Variants in PCDHGA5 observed in about 807,000 individuals in gnomAD.
PCDHGA5 encodes the protein protocadherin gamma subfamily A, 5.
In PCDHGA5, 36 loss-of-function variants were observed where a neutral mutation model predicts 56.7. That is an observed-to-expected ratio of 0.64 (90% CI 0.49 to 0.84). PCDHGA5 has a LOEUF of 0.84. PCDHGA5 is among the 40% of genes least tolerant of loss of function. PCDHGA5 has a pLI of 0.00. For synonymous variants in PCDHGA5, 563 were observed against 520.2 expected (o/e 1.08, Z -1.12); for missense variants, 1,305 against 1,201.5 (o/e 1.09, Z -1.27).
At chr5:141,372,053 C>G in intron 1 of PCDHGA5, 1 of 1,613,498 alleles carries the variant, frequency 6.2e-7, no homozygotes, top group South Asian at 1.1e-5. Flanking sequence ...TGTTGGTGGA[C>G]GACCGCAACG....
intron 1 of PCDHGA5, chr5:141,377,860 A>G (rs1236316198): frequency 6.6e-6 from 1 of 152,192 alleles, no homozygotes; most frequent in Non-Finnish European, 1.5e-5. Context: ...ATTAAGATTT[A>G]AAAGACTTCT....
intron 1 of PCDHGA5, chr5:141,441,697 C>T: frequency 6.5e-6 from 2 of 307,306 alleles, no homozygotes; most frequent in Non-Finnish European, 1.3e-5. Flanking sequence ...CAGCCGCGAG[C>T]CTTCAAGCTC....
chr5:141,423,883 A>G, intron 1 of PCDHGA5: 2 of 1,283,462 alleles, frequency 1.6e-6, no homozygotes, highest in Non-Finnish European at 2.0e-6. Context: ...CAATCTTGGC[A>G]TATTTTCTTT....
At chr5:141,500,667 TC>T (rs1032555959) in intron 2 of PCDHGA5, among the ~76,000 whole-genome samples, 26 of 152,194 alleles carry the variant, frequency 1.7e-4, no homozygotes, top group African/African-American at 6.0e-4. Flanking sequence ...GGCCATACTG[TC>T]CAACAGAATT....
At chr5:141,430,383 G>A (rs527531595) in intron 1 of PCDHGA5, among the ~76,000 whole-genome samples, 74 of 138,604 alleles carry the variant, frequency 5.3e-4, no homozygotes, top group Admixed American at 8.6e-4. Flanking sequence ...AGCTCATTGG[G>A]AAAAAAAAAA....
intron 1 of PCDHGA5, chr5:141,399,997 A>C (rs2093936203): frequency 6.2e-7 from 1 of 1,612,226 alleles, no homozygotes; most frequent in African/African-American, 1.3e-5. Context: ...AGAGGTGCGC[A>C]CAGCGCGTGC....
intron 1 of PCDHGA5, among the ~76,000 whole-genome samples, chr5:141,438,771 C>T (rs1056879944): frequency 1.3e-5 from 2 of 149,126 alleles, no homozygotes; most frequent in Non-Finnish European, 3.0e-5. Flanking sequence ...AAGCGATTCT[C>T]CTGCCTCAGC....
In PCDHGA5 at chr5:141,489,203, C is replaced by A; in HGVS notation, c.2422-5604C>A. On this transcript the variant is annotated intron_variant, in intron 1 of 3. Transcript: ENST00000518069. The surrounding 1 kb of genome is among the most constrained non-coding windows in gnomAD (Gnocchi z 4.5). ...CCCTGGGTCTACCTTGGAGACAGGA[C>A]AGCACAGACTTACTCTCCACAAAGG... is the stretch of plus-strand genomic sequence containing the variant. 7.1e-7 allele frequency: 1 copy of A among 1,414,834 alleles called. No individual in the cohort carries two copies. Among genetic ancestry groups the A allele is most frequent in the Non-Finnish European group, 9.6e-7 (1 of 1,040,052 alleles). The allele number at this position is 1,414,834 out of a possible 1,614,324, so 87.6% of individuals were successfully genotyped here.
chr5:141,394,127 C>T lies in PCDHGA5; in HGVS notation c.2421+27376C>T, dbSNP rs376102299. 4.0e-5 allele frequency: 64 copies of T among 1,613,960 alleles called. No homozygotes were observed. The African/African-American group carries it at 7.1e-4, about 18-fold the overall frequency. ...CACCTCTGTCCACTGAAACTCAAAT[C>T]GCTCTGCACGTGGCAGACATTAACG... is the stretch of plus-strand genomic sequence containing the variant. On this transcript the variant is annotated intron_variant, in intron 1 of 3. Transcript: ENST00000518069.
chr5:141,454,489 C>T (rs1450435753), intron 1 of PCDHGA5, among the ~76,000 whole-genome samples: 1 of 152,222 alleles, frequency 6.6e-6, no homozygotes, highest in African/African-American at 2.4e-5. Flanking sequence ...TCACCGCAAC[C>T]TCCACCTCCT....
intron 1 of PCDHGA5, chr5:141,403,774 C>T (rs1350465491): frequency 1.9e-6 from 3 of 1,613,668 alleles, no homozygotes; most frequent in Non-Finnish European, 1.7e-6. Flanking sequence ...AGGGAATCAA[C>T]GGAAAAGTGG....
intron 1 of PCDHGA5, among the ~76,000 whole-genome samples, chr5:141,459,095 G>A (rs61275874): frequency 0.28 from 42,440 of 152,066 alleles, 6,652 homozygotes; most frequent in African/African-American, 0.43. Context: ...ATTATACAGT[G>A]CAATGCATTT....
rs771608897 is a variant in PCDHGA5, at chr5:141,490,857, C to T, written c.2422-3950C>T. 58 of 1,613,714 alleles carry T rather than the reference C, an allele frequency of 3.6e-5. 1 individual carries two copies. The highest frequency in any genetic ancestry group is 1.8e-4 in the Admixed American group (11 of 59,992). Reference sequence around the variant, plus strand: ...AGATTGTGGTGGGGGTTCGAGACTCCGGCTCTCCCCCATTGCATGCCAACA... The same window carrying T: ...AGATTGTGGTGGGGGTTCGAGACTCTGGCTCTCCCCCATTGCATGCCAACA... On this transcript the variant is annotated intron_variant, in intron 1 of 3. Transcript: ENST00000518069. The surrounding 1 kb of genome is among the most constrained non-coding windows in gnomAD (Gnocchi z 5.4).
intron 1 of PCDHGA5, chr5:141,414,163 G>A (rs1455950284): frequency 5.6e-6 from 9 of 1,603,256 alleles, no homozygotes; most frequent in Non-Finnish European, 7.7e-6. Flanking sequence ...AGATGGAGGA[G>A]CATATCTTGC....
chr5:141,396,725 T>A (rs1432052825), intron 1 of PCDHGA5: 2 of 152,198 alleles, frequency 1.3e-5, no homozygotes, highest in East Asian at 3.8e-4. Flanking sequence ...AATACCTGAA[T>A]TGATTGTTGT....
Position 141,476,889 on chromosome 5 carries a change from C to T in PCDHGA5, c.2422-17918C>T. ...CGGGCGCGCGTCCTGGAGGATGCAC[C>T]CTCCGGCACGCGCGTGGTACAAGTC... is the stretch of plus-strand genomic sequence containing the variant. On this transcript the variant is annotated intron_variant, in intron 1 of 3. Transcript: ENST00000518069. This position sits in a 1 kb window ranked among gnomAD's most constrained non-coding sequence, Gnocchi z 7.6. 6.2e-7 allele frequency: 1 copy of T among 1,613,960 alleles called. No individual in the cohort carries two copies. The highest frequency in any genetic ancestry group is 8.5e-7 in the Non-Finnish European group (1 of 1,180,034).
intron 1 of PCDHGA5, chr5:141,388,701 G>A: frequency 1.9e-6 from 3 of 1,613,986 alleles, no homozygotes; most frequent in South Asian, 1.1e-5. Context: ...GGATGAGGGT[G>A]TCAATGCCGA....
intron 1 of PCDHGA5, among the ~76,000 whole-genome samples, chr5:141,466,292 T>C (rs1050311680): frequency 3.3e-5 from 5 of 152,134 alleles, no homozygotes; most frequent in Non-Finnish European, 5.9e-5. Context: ...CACCTCAGGC[T>C]CCCAAGTAGC....
rs774271747 is a variant in PCDHGA5 at position 141,485,866 on chromosome 5, C to A, written c.2422-8941C>A. On this transcript the variant is annotated intron_variant, in intron 1 of 3. Coordinates refer to ENST00000518069, the MANE Select transcript of PCDHGA5 (RefSeq NM_018918.3). The surrounding 1 kb of genome is among the most constrained non-coding windows in gnomAD (Gnocchi z 5.7). Reference sequence around the variant, plus strand: ...CTGGCACCGCAGAGCTCCGGGTATCCGTGCTGGACGTAAACGACAACGCCC... The same window carrying A: ...CTGGCACCGCAGAGCTCCGGGTATCAGTGCTGGACGTAAACGACAACGCCC... 2 of 1,614,144 alleles carry A rather than the reference C, an allele frequency of 1.2e-6. No homozygotes were observed. Among genetic ancestry groups the A allele is most frequent in the South Asian group, 1.1e-5 (1 of 91,074 alleles).
Sources: allele counts gnomAD v4.1 joint callset (sites outside exome capture counted in the v4.1 genomes callset), GRCh38; gene constraint gnomAD v4.1.1; non-coding constraint Gnocchi (gnomAD v3.1); transcripts MANE v1.5; gene names NCBI Gene and HGNC (gene_info 2026-07-23, HGNC 2026-07-21).